FOXP1: variants seen among roughly 807,000 people sequenced by gnomAD.
FOXP1 encodes forkhead box protein P1.
Under a neutral mutation model 98.2 loss-of-function variants are expected in FOXP1, and 15 were observed. The observed-to-expected ratio is 0.15, with a 90% CI of 0.10 to 0.24. The LOEUF (loss-of-function observed/expected upper bound fraction) is 0.24, where lower values mean the gene tolerates loss of function less well. Among genes scored for constraint, FOXP1 ranks in the 10% least tolerant of loss-of-function variants. The pLI, the probability that FOXP1 is intolerant of heterozygous loss-of-function variation, is 1.00. For missense variants in FOXP1, 633 were observed against 848.5 expected, an observed-to-expected ratio of 0.75 and a Z score of 3.15; for synonymous variants, 371 against 314.5, an observed-to-expected ratio of 1.18 and a Z score of -1.90.
intron 2 of FOXP1, among the ~76,000 whole-genome samples, chr3:71,565,648 T>C (rs967433625): frequency 6.6e-6 from 1 of 152,244 alleles, no homozygotes; most frequent in Non-Finnish European, 1.5e-5. Context: ...AAGCCGTATT[T>C]GTTGCAGAAA....
intron 5 of FOXP1, among the ~76,000 whole-genome samples, chr3:71,281,039 C>CAAAAA (rs55640213): frequency 8.5e-4 from 71 of 83,460 alleles, no homozygotes; most frequent in Middle Eastern, 8.6e-3. Context: ...CCCTTCTCTA[C>CAAAAA]AAAAAAAAAA....
intron 11 of FOXP1, among the ~76,000 whole-genome samples, chr3:71,019,189 T>TA (rs1242407391): frequency 1.3e-5 from 2 of 152,226 alleles, no homozygotes; most frequent in African/African-American, 4.8e-5. Context: ...ATAATGTTTT[T>TA]ATCTTGAATT....
chr3:71,260,869 G>A (rs905295719), intron 5 of FOXP1, among the ~76,000 whole-genome samples: 1 of 152,032 alleles, frequency 6.6e-6, no homozygotes, highest in Non-Finnish European at 1.5e-5. Flanking sequence ...AAGAACAGAG[G>A]TCTCCGAGAC....
chr3:71,580,601 G>T (rs1403771229), intron 2 of FOXP1, among the ~76,000 whole-genome samples: 4 of 151,604 alleles, frequency 2.6e-5, no homozygotes, highest in Non-Finnish European at 5.9e-5. Context: ...GAAAACACCT[G>T]AAGTCTTACT....
chr3:71,241,426 G>T (rs921383706), intron 5 of FOXP1, among the ~76,000 whole-genome samples: 1 of 152,090 alleles, frequency 6.6e-6, no homozygotes, highest in Non-Finnish European at 1.5e-5. Flanking sequence ...TACTTTAACA[G>T]GGGGCCCTGT....
chr3:71,279,516 T>C (rs1016623022), intron 5 of FOXP1, among the ~76,000 whole-genome samples: 4 of 152,052 alleles, frequency 2.6e-5, no homozygotes, highest in African/African-American at 9.7e-5. Flanking sequence ...CAGCACAGTC[T>C]CCCACAAGAA....
intron 6 of FOXP1, among the ~76,000 whole-genome samples, chr3:71,196,348 C>T (rs984506878): frequency 1.4e-4 from 21 of 151,974 alleles, no homozygotes; most frequent in Non-Finnish European, 5.9e-5. Context: ...TTCTATGTAG[C>T]CAATTTGTTA....
intron 6 of FOXP1, among the ~76,000 whole-genome samples, chr3:71,144,475 G>A (rs947228367): frequency 1.3e-5 from 2 of 152,150 alleles, no homozygotes; most frequent in Admixed American, 6.5e-5. Flanking sequence ...CTCCACACCT[G>A]AGCTGTAAAG....
chr3:71,020,881 C>T (rs2045330861), intron 11 of FOXP1, among the ~76,000 whole-genome samples: 1 of 152,132 alleles, frequency 6.6e-6, no homozygotes, highest in Non-Finnish European at 1.5e-5. Context: ...CATCTGTGCC[C>T]ATTACGGTTT....
intron 3 of FOXP1, among the ~76,000 whole-genome samples, chr3:71,447,390 C>G (rs2086548366): frequency 6.6e-6 from 1 of 152,286 alleles, no homozygotes; most frequent in Non-Finnish European, 1.5e-5. Context: ...GAGGAACCTG[C>G]CAATCTGGGC....
chr3:71,474,866 A>T (rs1418573443), intron 3 of FOXP1, among the ~76,000 whole-genome samples: 1 of 151,960 alleles, frequency 6.6e-6, no homozygotes, highest in Admixed American at 6.6e-5. Flanking sequence ...TCATCCTGAA[A>T]CCATCCCCTC....
chr3:71,447,622 T>A (rs1375298296), intron 3 of FOXP1, among the ~76,000 whole-genome samples: 1 of 152,102 alleles, frequency 6.6e-6, no homozygotes, highest in African/African-American at 2.4e-5. Context: ...TGGATGAGGT[T>A]CACGCTAGCA....
chr3:71,283,087 T>C (rs978875649), intron 5 of FOXP1, among the ~76,000 whole-genome samples: 6 of 152,206 alleles, frequency 3.9e-5, no homozygotes, highest in Admixed American at 2.6e-4. Flanking sequence ...TGGGTACCCA[T>C]CTGCCTTCCA....
At chr3:71,048,804 T>C (rs540183335) in intron 9 of FOXP1, among the ~76,000 whole-genome samples, 46 of 104,748 alleles carry the variant, frequency 4.4e-4, no homozygotes, top group African/African-American at 1.5e-3. Flanking sequence ...CAGACTATAA[T>C]GGGGGGGGTA....
chr3:71,283,134 A>C (rs1328037016), intron 5 of FOXP1, among the ~76,000 whole-genome samples: 2 of 152,198 alleles, frequency 1.3e-5, no homozygotes, highest in African/African-American at 4.8e-5. Flanking sequence ...GAAAGGGCTG[A>C]GAGAGGGAGA....
At chr3:71,575,560 A>G (rs1010031627) in intron 2 of FOXP1, among the ~76,000 whole-genome samples, 1 of 152,164 alleles carries the variant, frequency 6.6e-6, no homozygotes, top group African/African-American at 2.4e-5. Flanking sequence ...AGACATGAGC[A>G]TTCACTTCCA....
chr3:71,579,916 G>A (rs1287391694), intron 2 of FOXP1, among the ~76,000 whole-genome samples: 1 of 151,958 alleles, frequency 6.6e-6, no homozygotes, highest in Non-Finnish European at 1.5e-5. Flanking sequence ...CATCCATAAG[G>A]AACTCAAATG....
At chr3:71,363,525 T>C (rs1479483267) in intron 3 of FOXP1, among the ~76,000 whole-genome samples, 2 of 152,226 alleles carry the variant, frequency 1.3e-5, no homozygotes, top group East Asian at 3.8e-4. Flanking sequence ...TTTTTAAATA[T>C]ATTTAAACAA....
rs1553657848 is a variant in FOXP1, at chr3:70,967,700, G to GTTTTTTTTTT, written c.1723-1645_1723-1644insAAAAAAAAAA. On this transcript the variant is annotated intron_variant, in intron 19 of 20. Transcript: ENST00000649528. The stretch of plus-strand genomic sequence containing the variant: ...CTACTATTATTTGTTTTTTTTTTTT[G>GTTTTTTTTTT]TTTTTTTTTGTTTTTTTTTTTTTTT... Among the ~76,000 whole-genome samples the GTTTTTTTTTT allele has an allele frequency of 6.3e-4, 40 of 63,630 alleles. 1 individual carries two copies. The highest frequency in any genetic ancestry group is 1.5e-3 in the East Asian group (3 of 1,958). 41.7% of individuals were successfully genotyped at this position (63,630 alleles called of 152,430 possible).
Sources: allele counts gnomAD v4.1 joint callset (sites outside exome capture counted in the v4.1 genomes callset), GRCh38; gene constraint gnomAD v4.1.1; transcripts MANE v1.5; gene names NCBI Gene and HGNC (gene_info 2026-07-23, HGNC 2026-07-21).